NLGN1: variants seen among roughly 807,000 people sequenced by gnomAD.
The protein encoded by NLGN1 is neuroligin 1, also known as neuroligin-1.
In NLGN1, 12 loss-of-function variants were observed where a neutral mutation model predicts 65.5. The observed-to-expected ratio is 0.18, with a 90% CI of 0.12 to 0.30. The LOEUF (loss-of-function observed/expected upper bound fraction) is 0.30, where lower values mean the gene tolerates loss of function less well. NLGN1 is among the 10% of genes least tolerant of loss of function. The probability of loss-of-function intolerance (pLI) is 1.00; values close to 1 mark genes in which losing one functional copy is unlikely to be tolerated. For synonymous variants in NLGN1, 350 were observed against 359.5 expected, an observed-to-expected ratio of 0.97 and a Z score of 0.30; for missense variants, 750 against 1,007.1, an observed-to-expected ratio of 0.74 and a Z score of 3.46.
chr3:174,280,948 A>G lies in NLGN1; in HGVS notation c.2117A>G (p.His706Arg), dbSNP rs747437912. 6 of 1,613,240 alleles carry G rather than the reference A, an allele frequency of 3.7e-6. No homozygotes were observed. The South Asian group carries it at 5.5e-5, about 15-fold the overall frequency. ...TACTACAAAAAGGATAAGAGGAGAC[A>G]TGATGTTCACAGGAGATGCAGCCCT... The change falls in exon 7 of 7, where the codon CAT (histidine) becomes CGT (arginine). Residue 706 changes from histidine (H) to arginine (R), a missense_variant. Coordinates refer to ENST00000457714, the Ensembl canonical transcript of NLGN1. The surrounding 1 kb of genome is among the most constrained non-coding windows in gnomAD (Gnocchi z 4.9).
intron 3 of NLGN1, among the ~76,000 whole-genome samples, chr3:173,662,328 A>G (rs534924797): frequency 6.6e-6 from 1 of 152,026 alleles, no homozygotes; most frequent in Non-Finnish European, 1.5e-5. Flanking sequence ...GTTCTGCTAC[A>G]TTTAAAAAGT....
At chr3:173,557,751 C>T (rs1025840102) in intron 2 of NLGN1, among the ~76,000 whole-genome samples, 1 of 152,028 alleles carries the variant, frequency 6.6e-6, no homozygotes. Context: ...ATGTTAGTAA[C>T]CCCATGATGC....
intron 4 of NLGN1, among the ~76,000 whole-genome samples, chr3:174,019,937 T>G (rs1727399612): frequency 6.6e-6 from 1 of 152,126 alleles, no homozygotes; most frequent in Admixed American, 6.6e-5. Flanking sequence ...ATTGTATGAT[T>G]AATTTAACAG....
In NLGN1 at chr3:174,065,059, T is replaced by C. The variant is rs1296395256; in HGVS notation, c.647-210256T>C. 2.0e-5 allele frequency among the ~76,000 whole-genome samples: 3 copies of C among 151,866 alleles called. No individual in the cohort carries two copies. In the East Asian group the frequency reaches 5.8e-4, roughly 29 times the overall value. ...TCCTTAAATTAAAAAGAAATAAAAT[T>C]GTATTTTTTGAAATAAGTAGAAGAG... On this transcript the variant is annotated intron_variant, in intron 4 of 6. Transcript: ENST00000457714.
chr3:173,508,191 T>C (rs1344594713), intron 2 of NLGN1, among the ~76,000 whole-genome samples: 1 of 152,198 alleles, frequency 6.6e-6, no homozygotes, highest in Non-Finnish European at 1.5e-5. Flanking sequence ...GGCTTTTTCT[T>C]CTTCTCTTTG....
At chr3:174,127,948 G>A (rs923233703) in intron 4 of NLGN1, among the ~76,000 whole-genome samples, 1 of 152,116 alleles carries the variant, frequency 6.6e-6, no homozygotes, top group Non-Finnish European at 1.5e-5. Context: ...AGTACAAAAA[G>A]CTGTGTACAG....
chr3:173,599,777 C>T (rs927826974), intron 2 of NLGN1, among the ~76,000 whole-genome samples: 7 of 152,098 alleles, frequency 4.6e-5, no homozygotes, highest in African/African-American at 1.7e-4. Flanking sequence ...CTTGTCTGTT[C>T]ACTAAAATGT....
chr3:173,989,010 A>G (rs2152408006), intron 4 of NLGN1, among the ~76,000 whole-genome samples: 1 of 152,312 alleles, frequency 6.6e-6, no homozygotes. Context: ...AACAGCTAGC[A>G]GATTGAGAAT....
At chr3:174,214,605 G>C (rs1489698135) in intron 4 of NLGN1, among the ~76,000 whole-genome samples, 2 of 152,094 alleles carry the variant, frequency 1.3e-5, no homozygotes, top group African/African-American at 4.8e-5. Context: ...TTAGTTTTTA[G>C]AAAGACTTCT....
chr3:173,720,239 T>A (rs1381627902), intron 3 of NLGN1, among the ~76,000 whole-genome samples: 1 of 152,208 alleles, frequency 6.6e-6, no homozygotes, highest in Non-Finnish European at 1.5e-5. Context: ...ATAAACACTC[T>A]TGAGAGAGTC....
At chr3:173,668,875 C>CG (rs1560135637) in intron 3 of NLGN1, among the ~76,000 whole-genome samples, 1 of 152,084 alleles carries the variant, frequency 6.6e-6, no homozygotes, top group African/African-American at 2.4e-5. Flanking sequence ...CCGCCCGCCT[C>CG]GGCCTCCCAA....
intron 2 of NLGN1, among the ~76,000 whole-genome samples, chr3:173,588,894 C>CA (rs201067143): frequency 1.3e-5 from 2 of 151,908 alleles, no homozygotes; most frequent in Admixed American, 6.6e-5. Flanking sequence ...AATGTGTAGT[C>CA]AAAAAAATGA....
rs993224991 is a variant in NLGN1 at position 174,225,624 on chromosome 3, C to A, written c.647-49691C>A. ...CGGGCGCCTGTAGTCCCAGCTACTC[C>A]GGAGCCTGAGGCAGGAGAATGGCGT... On this transcript the variant is annotated intron_variant, in intron 4 of 6. Transcript: ENST00000457714. 2.0e-5 allele frequency among the ~76,000 whole-genome samples: 3 copies of A among 151,694 alleles called. No individual in the cohort carries two copies. The East Asian group carries it at 5.8e-4, about 30-fold the overall frequency.
intron 4 of NLGN1, among the ~76,000 whole-genome samples, chr3:173,924,633 ATAAAAAT>A (rs1742684199): frequency 6.6e-6 from 1 of 151,640 alleles, no homozygotes; most frequent in African/African-American, 2.4e-5. Flanking sequence ...AAAAAAAAAA[ATAAAAAT>A]AAAAATAAAA....
chr3:173,622,170 G>T (rs1754100297), intron 3 of NLGN1, among the ~76,000 whole-genome samples: 1 of 152,092 alleles, frequency 6.6e-6, no homozygotes, highest in Non-Finnish European at 1.5e-5. Context: ...ACTGCCATAG[G>T]CTGTCTGAGT....
intron 4 of NLGN1, chr3:173,912,579 G>GT (rs1739835662): frequency 6.6e-6 from 1 of 152,066 alleles, no homozygotes; most frequent in South Asian, 2.1e-4. Flanking sequence ...TCTCAATGCA[G>GT]TATCATCTCT....
intron 2 of NLGN1, among the ~76,000 whole-genome samples, chr3:173,589,015 A>G (rs1747985644): frequency 6.6e-6 from 1 of 152,200 alleles, no homozygotes; most frequent in African/African-American, 2.4e-5. Flanking sequence ...TTTGGAACAA[A>G]TGCAAGTTAA....
intron 4 of NLGN1, among the ~76,000 whole-genome samples, chr3:174,209,176 A>G (rs921776147): frequency 6.6e-5 from 10 of 152,156 alleles, no homozygotes; most frequent in African/African-American, 2.4e-4. Flanking sequence ...CACCCGCTTC[A>G]GTCTCCCAAA....
intron 4 of NLGN1, among the ~76,000 whole-genome samples, chr3:173,819,920 GTAATAAA>G (rs1719884141): frequency 6.6e-6 from 1 of 152,146 alleles, no homozygotes. Context: ...TGGAATGTGG[GTAATAAA>G]TTGTATTAAC....
Sources: gnomAD v4.1 joint callset for allele counts (sites outside exome capture counted in the v4.1 genomes callset) on GRCh38, gnomAD v4.1.1 for gene constraint, Gnocchi (gnomAD v3.1) non-coding constraint, MANE v1.5 for transcripts, NCBI Gene and HGNC (gene_info 2026-07-23, HGNC 2026-07-21) for gene names.